The following GRK5 variants were observed in gnomAD, a reference collection of about 807,000 sequenced individuals.
GRK5 encodes the protein g protein-coupled receptor kinase GRK5.
Under a neutral mutation model 78.4 loss-of-function variants are expected in GRK5, and 40 were observed. The ratio of observed to expected loss-of-function variants is 0.51; its 90% confidence interval spans 0.40 to 0.66. The LOEUF (loss-of-function observed/expected upper bound fraction) is 0.66. Among genes scored for constraint, GRK5 ranks in the 30% least tolerant of loss-of-function variants. The pLI, the probability that GRK5 is intolerant of heterozygous loss-of-function variation, is 0.00. For synonymous variants in GRK5, 289 were observed against 296.8 expected (o/e 0.97, Z 0.27); for missense variants, 598 against 759.9 (o/e 0.79, Z 2.50).
At chr10:119,280,836 G>A (rs1333356676) in intron 1 of GRK5, among the ~76,000 whole-genome samples, 17 of 139,758 alleles carry the variant, frequency 1.2e-4, no homozygotes, top group Admixed American at 1.1e-3. Context: ...CCAGAGTGCC[G>A]TGGCCCAATC....
chr10:119,402,002 C>T (rs1043708329), intron 4 of GRK5, among the ~76,000 whole-genome samples: 3 of 152,184 alleles, frequency 2.0e-5, no homozygotes, highest in African/African-American at 7.2e-5. Context: ...GCTCCTGTGG[C>T]CCCACCATCT....
chr10:119,390,935 C>T (rs1344645395), intron 3 of GRK5, among the ~76,000 whole-genome samples: 1 of 152,098 alleles, frequency 6.6e-6, no homozygotes, highest in East Asian at 1.9e-4. Flanking sequence ...CGAGCCTGTC[C>T]CCTCCCTCTG....
At chr10:119,213,758 T>G (rs1246341376) in intron 1 of GRK5, among the ~76,000 whole-genome samples, 1 of 152,226 alleles carries the variant, frequency 6.6e-6, no homozygotes, top group African/African-American at 2.4e-5. Flanking sequence ...ACTTCCTGAC[T>G]GGACCCTTCC....
chr10:119,302,693 T>G lies in GRK5; in HGVS notation c.53-23823T>G, dbSNP rs550646439. Among the ~76,000 whole-genome samples the G allele has an allele frequency of 4.7e-4, 72 of 152,312 alleles. 1 individual carries two copies. The highest frequency in any genetic ancestry group is 1.5e-3 in the African/African-American group (63 of 41,568). On this transcript the variant is annotated intron_variant, in intron 1 of 15. Coordinates refer to ENST00000392870, the MANE Select transcript of GRK5 (RefSeq NM_005308.3). ...CCAGACTTAATCAAAATGTAAATAC[T>G]TCTTGGGGCCAGAAAGCAGGACTGT...
chr10:119,224,448 GC>G (rs1456152282), intron 1 of GRK5, among the ~76,000 whole-genome samples: 1 of 151,382 alleles, frequency 6.6e-6, no homozygotes, highest in East Asian at 1.9e-4. Context: ...TTGCTCTGTC[GC>G]CCAGGCTGGA....
rs1800065638 is a variant in GRK5, at chr10:119,379,596, C to G, written c.149-1219C>G. 6.6e-6 allele frequency among the ~76,000 whole-genome samples: 1 copy of G among 152,164 alleles called. No individual in the cohort carries two copies. Among genetic ancestry groups the G allele is most frequent in the African/African-American group, 2.4e-5 (1 of 41,446 alleles). Reference sequence around the variant, plus strand: ...CTTCCCTGCAAGTTGCTGTCCTTCCCAGGCTCTATCGCCCTCTTCCCTGTT... The same window carrying G: ...CTTCCCTGCAAGTTGCTGTCCTTCCGAGGCTCTATCGCCCTCTTCCCTGTT... On this transcript the variant is annotated intron_variant, in intron 2 of 15. Coordinates refer to ENST00000392870, the MANE Select transcript of GRK5 (RefSeq NM_005308.3). The surrounding 1 kb of genome is among the most constrained non-coding windows in gnomAD (Gnocchi z 4.1).
intron 2 of GRK5, among the ~76,000 whole-genome samples, chr10:119,364,782 A>C (rs891881850): frequency 6.6e-6 from 1 of 152,208 alleles, no homozygotes; most frequent in South Asian, 2.1e-4. Flanking sequence ...GCAGGTGCGC[A>C]GAAGGAAAAA....
intron 1 of GRK5, among the ~76,000 whole-genome samples, chr10:119,243,100 A>G (rs187499825): frequency 1.1e-4 from 16 of 152,304 alleles, no homozygotes; most frequent in Non-Finnish European, 2.1e-4. Flanking sequence ...TTAGCTGGAC[A>G]TGGAGGTGTG....
intron 8 of GRK5, among the ~76,000 whole-genome samples, chr10:119,434,315 T>C (rs1046237556): frequency 2.6e-5 from 4 of 152,188 alleles, no homozygotes; most frequent in African/African-American, 9.7e-5. Flanking sequence ...ATTTCAGCAT[T>C]AACTCAAAAG....
chr10:119,448,396 C>A, intron 13 of GRK5, 136 bp downstream of exon 13: 1 of 937,010 alleles, frequency 1.1e-6, no homozygotes, highest in Non-Finnish European at 1.6e-6. Flanking sequence ...CCCCTCCCGG[C>A]CACTCCTCAC....
chr10:119,249,523 A>T (rs1849166688), intron 1 of GRK5, among the ~76,000 whole-genome samples: 1 of 152,060 alleles, frequency 6.6e-6, no homozygotes. Context: ...TTTGAGATGG[A>T]GTCTCACTCT....
chr10:119,222,335 G>T (rs1297266915), intron 1 of GRK5, among the ~76,000 whole-genome samples: 1 of 152,086 alleles, frequency 6.6e-6, no homozygotes, highest in African/African-American at 2.4e-5. Context: ...AGGTCGGGGG[G>T]CAGAAAGTGT....
chr10:119,400,614 G>T (rs73435054), intron 4 of GRK5, among the ~76,000 whole-genome samples: 1 of 152,024 alleles, frequency 6.6e-6, no homozygotes, highest in East Asian at 1.9e-4. Context: ...TGCTGTGGGG[G>T]TGGGAATGGG....
At chr10:119,362,694 C>T (rs1564905652) in intron 2 of GRK5, among the ~76,000 whole-genome samples, 2 of 152,200 alleles carry the variant, frequency 1.3e-5, no homozygotes, top group Admixed American at 1.3e-4. Flanking sequence ...GGAAACTCCT[C>T]TCTTTGCTGA....
At chr10:119,423,765 G>A (rs987156225) in intron 5 of GRK5, among the ~76,000 whole-genome samples, 1 of 152,104 alleles carries the variant, frequency 6.6e-6, no homozygotes, top group Non-Finnish European at 1.5e-5. Context: ...CATGAGCACT[G>A]AGGAGCACAC....
At position 119,455,052 on chromosome 10, in the gene GRK5, C is replaced by T. The variant is rs1343414351; in HGVS notation, c.1758C>T (p.Ser586=). ...ACTCAAACCATGTCAGCTCGAACTC[C>T]ACCGGAAGCAGCTAGTTTCGGCTCT... is the stretch of plus-strand genomic sequence containing the variant. The part of the protein sequence containing the change: ...HINSNHVSSN[S]TGSS The change falls in exon 16 of 16, where the codon TCC becomes TCT. Residue 586 remains serine, a synonymous_variant. Coordinates refer to ENST00000392870, the MANE Select transcript of GRK5 (RefSeq NM_005308.3). 1 of 1,613,632 alleles carries T rather than the reference C, an allele frequency of 6.2e-7. No homozygotes were observed. The highest frequency in any genetic ancestry group is 8.5e-7 in the Non-Finnish European group (1 of 1,179,654).
At chr10:119,427,364 A>ACTG (rs2133890156) in intron 6 of GRK5, among the ~76,000 whole-genome samples, 1 of 53,796 alleles carries the variant, frequency 1.9e-5, no homozygotes, top group South Asian at 5.1e-4. Flanking sequence ...CAGCATCATC[A>ACTG]CCATCATCAG....
intron 4 of GRK5, among the ~76,000 whole-genome samples, chr10:119,422,022 A>T (rs1172771871): frequency 6.6e-6 from 1 of 152,198 alleles, no homozygotes; most frequent in Non-Finnish European, 1.5e-5. Context: ...AAGAGGAGGC[A>T]AGGCTTTCAG....
At chr10:119,285,675 G>GCAGAAAT (rs1207444606) in intron 1 of GRK5, among the ~76,000 whole-genome samples, 1 of 152,184 alleles carries the variant, frequency 6.6e-6, no homozygotes, top group African/African-American at 2.4e-5. Flanking sequence ...ACTGGGTGAT[G>GCAGAAAT]CAGAAATGGG....
Sources: allele counts gnomAD v4.1 joint callset (sites outside exome capture counted in the v4.1 genomes callset), GRCh38; gene constraint gnomAD v4.1.1; non-coding constraint Gnocchi (gnomAD v3.1); transcripts MANE v1.5; gene names NCBI Gene and HGNC (gene_info 2026-07-23, HGNC 2026-07-21).